AMBRA1: variants seen among roughly 807,000 people sequenced by gnomAD.
AMBRA1 encodes autophagy and beclin 1 regulator 1, also known as activating molecule in BECN1-regulated autophagy protein 1.
AMBRA1 carries 47 observed loss-of-function variants against 125.4 expected under a neutral mutation model. That is an observed-to-expected ratio of 0.37 (90% CI 0.30 to 0.48). The LOEUF is 0.48. Ranked by LOEUF, AMBRA1 falls within the 20% of genes least tolerant of loss-of-function variation. The pLI, the probability that AMBRA1 is intolerant of heterozygous loss-of-function variation, is 0.99. For synonymous variants in AMBRA1, 626 were observed against 655.5 expected, an observed-to-expected ratio of 0.95 and a Z score of 0.69; for missense variants, 1,331 against 1,693.4, an observed-to-expected ratio of 0.79 and a Z score of 3.76.
intron 11 of AMBRA1, among the ~76,000 whole-genome samples, chr11:46,468,820 A>C (rs533495061): frequency 6.7e-6 from 1 of 148,260 alleles, no homozygotes; most frequent in East Asian, 2.0e-4. Context: ...GTCTCAAAAA[A>C]AAAAAAAAGA....
At chr11:46,414,802 C>T (rs1946460387) in intron 15 of AMBRA1, among the ~76,000 whole-genome samples, 1 of 152,166 alleles carries the variant, frequency 6.6e-6, no homozygotes. Context: ...GGCTGACTGG[C>T]CAGTTGTTTG....
rs1432208276 is a variant in AMBRA1, at chr11:46,450,781, T to C, written c.2522-7183A>G. On this transcript the variant is annotated intron_variant, in intron 11 of 17. Coordinates refer to ENST00000683756, the MANE Select transcript of AMBRA1 (RefSeq NM_001387011.1). ...TTAAGCAGTAAAGTTATTTTCTATG[T>C]TACTACAATGTTGGATACATGGCAC... is the stretch of plus-strand genomic sequence containing the variant. Among the ~76,000 whole-genome samples, 7 of 152,316 alleles carry C rather than the reference T, an allele frequency of 4.6e-5. No individual in the cohort carries two copies. In the East Asian group the frequency reaches 9.7e-4, roughly 21 times the overall value.
intron 12 of AMBRA1, among the ~76,000 whole-genome samples, chr11:46,436,406 G>A (rs916046395): frequency 6.8e-6 from 1 of 146,866 alleles, no homozygotes; most frequent in South Asian, 2.1e-4. Context: ...GTGCCAACTC[G>A]GGGGCTGACA....
intron 14 of AMBRA1, among the ~76,000 whole-genome samples, chr11:46,419,819 G>A (rs1946755073): frequency 6.6e-6 from 1 of 151,998 alleles, no homozygotes; most frequent in African/African-American, 2.4e-5. Context: ...GGTGGGGAGG[G>A]AGGAAGGCAG....
At chr11:46,471,295 T>G (rs1278294852) in intron 11 of AMBRA1, among the ~76,000 whole-genome samples, 1 of 151,202 alleles carries the variant, frequency 6.6e-6, no homozygotes, top group African/African-American at 2.4e-5. Context: ...ATATAAAAAT[T>G]CGTCTGGGCA....
chr11:46,411,877 C>T (rs1946311924), intron 15 of AMBRA1, among the ~76,000 whole-genome samples: 1 of 152,062 alleles, frequency 6.6e-6, no homozygotes, highest in Non-Finnish European at 1.5e-5. Context: ...CTTCCCACCT[C>T]GGCCTCCCAA....
chr11:46,535,644 A>G (rs1449824577), intron 7 of AMBRA1, among the ~76,000 whole-genome samples: 14 of 152,212 alleles, frequency 9.2e-5, no homozygotes. Flanking sequence ...GAAAAAAAAT[A>G]CCAACAGCAC....
chr11:46,543,341 G>C lies in AMBRA1; in HGVS notation c.676C>G (p.Arg226Gly), dbSNP rs1422740960. The C allele has an allele frequency of 6.2e-7, 1 of 1,614,028 alleles. No individual in the cohort carries two copies. Among genetic ancestry groups the C allele is most frequent in the South Asian group, 1.1e-5 (1 of 91,074 alleles). The change falls in exon 7 of 18, where the codon CGT (arginine) becomes GGT (glycine). Residue 226 changes from arginine (R) to glycine (G), a missense_variant. By Grantham distance (125) the Arg-to-Gly change is moderately radical (BLOSUM62 -2). Around this residue, in one of 4 missense-constraint regions of AMBRA1, gnomAD observed 689 missense variants for 776.5 expected, o/e 0.89. Coordinates refer to ENST00000683756, the MANE Select transcript of AMBRA1 (RefSeq NM_001387011.1). The stretch of plus-strand genomic sequence containing the variant: ...ACTGGCTGTGATTGCAGGAGGGCAC[G>C]CTGACGGTAGTGGGATAATTCTGTT... ...DGTELSHYRQ[R>G]ALLQSQPVRR...
chr11:46,429,645 C>T (rs4376875), intron 14 of AMBRA1, among the ~76,000 whole-genome samples: 150,510 of 152,286 alleles, frequency 0.99, 74,410 homozygotes, highest in East Asian at 1. Flanking sequence ...CTGGTTTCAT[C>T]AGTAATTTTG....
chr11:46,440,100 A>T (rs1947930410), intron 12 of AMBRA1, among the ~76,000 whole-genome samples: 1 of 152,196 alleles, frequency 6.6e-6, no homozygotes, highest in Non-Finnish European at 1.5e-5. Context: ...ATTTCTAGAA[A>T]TGTATCCTAG....
At chr11:46,583,374 G>A (rs1313600187) in intron 1 of AMBRA1, among the ~76,000 whole-genome samples, 11 of 151,424 alleles carry the variant, frequency 7.3e-5, no homozygotes, top group Non-Finnish European at 1.0e-4. Flanking sequence ...AGACTTAAAC[G>A]TTAGACCTAA....
chr11:46,584,563 A>G (rs989283830), intron 1 of AMBRA1, among the ~76,000 whole-genome samples: 1 of 151,860 alleles, frequency 6.6e-6, no homozygotes, highest in African/African-American at 2.4e-5. Flanking sequence ...AAACAAATGA[A>G]TGACTGAAAA....
intron 11 of AMBRA1, among the ~76,000 whole-genome samples, chr11:46,478,874 T>G (rs955579322): frequency 1.3e-5 from 2 of 152,166 alleles, no homozygotes; most frequent in Non-Finnish European, 2.9e-5. Flanking sequence ...ATGCTGAAGC[T>G]TTCCTCAGTA....
At position 46,583,115 on chromosome 11, in the gene AMBRA1, A is replaced by G. The variant is rs565650131; in HGVS notation, c.-121+10713T>C. Among the ~76,000 whole-genome samples, 107 of 152,342 alleles carry G rather than the reference A, an allele frequency of 7.0e-4. 1 individual carries two copies. The Middle Eastern group carries it at 0.024, about 34-fold the overall frequency. On this transcript the variant is annotated intron_variant, in intron 1 of 17. Transcript: ENST00000683756. ...ACTTCAAACTATACTACAAGGCTAC[A>G]GTAACCAAAACAGCATGGTACTGGT...
chr11:46,545,488 G>T, intron 5 of AMBRA1, 116 bp downstream of exon 5: 3 of 1,257,854 alleles, frequency 2.4e-6, no homozygotes, highest in Non-Finnish European at 2.2e-6. Context: ...GAGCTATGAG[G>T]ATGACAACTT....
intron 13 of AMBRA1, 109 bp downstream of exon 13, chr11:46,434,740 A>G: frequency 8.8e-7 from 1 of 1,137,514 alleles, no homozygotes. Flanking sequence ...CAGTGAAGGT[A>G]GGGGCAGTAT....
At chr11:46,543,605 A>T (rs1360461316) in intron 6 of AMBRA1, among the ~76,000 whole-genome samples, 1 of 152,240 alleles carries the variant, frequency 6.6e-6, no homozygotes, top group Non-Finnish European at 1.5e-5. Flanking sequence ...CCCAATTAGC[A>T]GCATATCTGA....
intron 15 of AMBRA1, among the ~76,000 whole-genome samples, chr11:46,417,599 T>C (rs1156235195): frequency 6.6e-6 from 1 of 152,152 alleles, no homozygotes; most frequent in Non-Finnish European, 1.5e-5. Context: ...ATCTTTGATA[T>C]CTATGCTTTT....
chr11:46,592,192 C>T (rs1034617380), intron 1 of AMBRA1, among the ~76,000 whole-genome samples: 22 of 151,894 alleles, frequency 1.4e-4, no homozygotes, highest in Non-Finnish European at 2.8e-4. Context: ...GCCTTGGCCT[C>T]CCAAAGTGCT....
Sources: gnomAD v4.1 joint callset for allele counts (sites outside exome capture counted in the v4.1 genomes callset) on GRCh38, gnomAD v4.1.1 for gene constraint, gnomAD v4.1.1 regional missense constraint, MANE v1.5 for transcripts, NCBI Gene and HGNC (gene_info 2026-07-23, HGNC 2026-07-21) for gene names.